SREBF2: variants seen among roughly 807,000 people sequenced by gnomAD.
SREBF2 encodes sterol regulatory element binding transcription factor 2, also known as sterol regulatory element-binding protein 2.
SREBF2 carries 55 observed loss-of-function variants against 113.1 expected under a neutral mutation model. That is an observed-to-expected ratio of 0.49 (90% CI 0.39 to 0.61). The LOEUF is 0.61. Among genes scored for constraint, SREBF2 ranks in the 20% least tolerant of loss-of-function variants. SREBF2 has a pLI of 0.00. For synonymous variants in SREBF2, 593 were observed against 605.7 expected (o/e 0.98, Z 0.31); for missense variants, 1,349 against 1,487.4 (o/e 0.91, Z 1.53).
rs535633520 is a variant in SREBF2, at chr22:41,873,962, C to T, written c.1032C>T (p.Ser344=). The T allele has an allele frequency of 6.2e-7, 1 of 1,614,134 alleles. No individual in the cohort carries two copies. Among genetic ancestry groups the T allele is most frequent in the South Asian group, 1.1e-5 (1 of 91,078 alleles). ...ATATCATTGAGAAACGATATCGCTC[C>T]TCCATCAATGACAAAATCATCGAAT... is the stretch of plus-strand genomic sequence containing the variant. ...THNIIEKRYR[S]SINDKIIELK... Residue 344 remains serine, a synonymous_variant, in exon 5 of 19, where the codon TCC becomes TCT. Coordinates refer to ENST00000361204, the MANE Select transcript of SREBF2 (RefSeq NM_004599.4).
Position 41,867,116 on chromosome 22 carries a change from C to G in SREBF2, c.374C>G (p.Pro125Arg). ...KVSPTSVPTT[P>R]RATPILQPRP... ...TCTCCCACCTCAGTTCCCACCACAC[C>G]CAGGGCAACTCCTATTCTTCAGCCC... is the stretch of plus-strand genomic sequence containing the variant. The change falls in exon 2 of 19, where the codon CCC becomes CGC. Residue 125 changes from proline (P) to arginine (R), a missense_variant. Coordinates refer to ENST00000361204, the MANE Select transcript of SREBF2 (RefSeq NM_004599.4). The G allele has an allele frequency of 6.2e-7, 1 of 1,614,202 alleles. No individual in the cohort carries two copies. The highest frequency in any genetic ancestry group is 8.5e-7 in the Non-Finnish European group (1 of 1,180,046).
chr22:41,837,026 C>T (rs1352997712), intron 1 of SREBF2, among the ~76,000 whole-genome samples: 4 of 152,060 alleles, frequency 2.6e-5, no homozygotes, highest in Non-Finnish European at 4.4e-5. Context: ...AACTTGAGCG[C>T]GACAGATCAT....
At position 41,866,811 on chromosome 22, in the gene SREBF2, T is replaced by A; in HGVS notation, c.89-20T>A. ...ACTTTTTGGATAGCAATAAAATTAC[T>A]CCTTTTCTTTTGTTCACAGAGATGC... On this transcript the variant is annotated intron_variant, in intron 1 of 18. Transcript: ENST00000361204. 1 of 1,613,832 alleles carries A rather than the reference T, an allele frequency of 6.2e-7. No homozygotes were observed. The highest frequency in any genetic ancestry group is 8.5e-7 in the Non-Finnish European group (1 of 1,179,672).
intron 16 of SREBF2, among the ~76,000 whole-genome samples, 182 bp from the exon 17 acceptor site, chr22:41,902,788 G>A (rs1046640821): frequency 6.6e-6 from 1 of 152,210 alleles, no homozygotes; most frequent in Non-Finnish European, 1.5e-5. Flanking sequence ...GGCCATGGAA[G>A]GAACTGGTTC....
At position 41,882,320 on chromosome 22, in the gene SREBF2, G is replaced by A. The variant is rs548270113; in HGVS notation, c.2038+1328G>A. ...CCAACAAAGGTAAAGAAAATAGAAG[G>A]AAGAGCAACTTTCCAGGAAAAGGGT... On this transcript the variant is annotated intron_variant, in intron 10 of 18. Coordinates refer to ENST00000361204, the MANE Select transcript of SREBF2 (RefSeq NM_004599.4). Among the ~76,000 whole-genome samples, 32 of 152,304 alleles carry A rather than the reference G, an allele frequency of 2.1e-4. No individual in the cohort carries two copies. The South Asian group carries it at 2.7e-3, about 13-fold the overall frequency.
chr22:41,897,064 T>G lies in SREBF2; in HGVS notation c.2508T>G (p.Ser836Arg). The G allele has an allele frequency of 6.2e-7, 1 of 1,611,608 alleles. No homozygotes were observed. Among genetic ancestry groups the G allele is most frequent in the Non-Finnish European group, 8.5e-7 (1 of 1,178,318 alleles). ...CTTTTCTTCCTAGTGAATTCTCCAG[T>G]GCTCTGGAGTACTTGAAATTACTTC... The part of the protein sequence containing the change: ...DQEEESCEFS[S>R]ALEYLKLLHS... Residue 836 changes from serine (S) to arginine (R), a missense_variant, in exon 14 of 19, where the codon AGT becomes AGG. Ser to Arg is a moderately radical substitution (Grantham distance 110, BLOSUM62 -1). This residue lies in a region of SREBF2 where 650 missense variants were observed against 644.1 expected (regional missense o/e 1.01). Transcript: ENST00000361204.
At chr22:41,867,630 C>T (rs2077096523) in intron 2 of SREBF2, among the ~76,000 whole-genome samples, 2 of 152,100 alleles carry the variant, frequency 1.3e-5, no homozygotes, top group African/African-American at 2.4e-5. Flanking sequence ...CTCAGTGAAA[C>T]CCCATCTCTA....
At chr22:41,872,385 G>T (rs1321347677) in intron 4 of SREBF2, among the ~76,000 whole-genome samples, 2 of 151,960 alleles carry the variant, frequency 1.3e-5, no homozygotes, top group African/African-American at 2.4e-5. Flanking sequence ...GAGGGGAGGG[G>T]CATGCGGGGA....
At chr22:41,854,256 C>A (rs1375589476) in intron 1 of SREBF2, among the ~76,000 whole-genome samples, 1 of 151,426 alleles carries the variant, frequency 6.6e-6, no homozygotes, top group Admixed American at 6.6e-5. Context: ...CCCTGCCTCC[C>A]AGGTTCAAGT....
At chr22:41,896,314 G>A (rs2077416414) in intron 13 of SREBF2, among the ~76,000 whole-genome samples, 1 of 152,106 alleles carries the variant, frequency 6.6e-6, no homozygotes, top group Admixed American at 6.6e-5. Flanking sequence ...GACCTGAGAG[G>A]CAGATAGGTG....
intron 11 of SREBF2, 141 bp downstream of exon 11, chr22:41,885,152 C>G (rs1318850797): frequency 7.6e-6 from 8 of 1,052,016 alleles, no homozygotes; most frequent in Non-Finnish European, 1.1e-5. Context: ...CATTCAGTCG[C>G]TCATTTCACC....
intron 1 of SREBF2, among the ~76,000 whole-genome samples, chr22:41,843,603 C>T (rs2076848237): frequency 6.6e-6 from 1 of 152,186 alleles, no homozygotes; most frequent in Non-Finnish European, 1.5e-5. Context: ...ATGTATTTTT[C>T]CTCTGTCCCA....
chr22:41,905,377 G>T (rs1406079422), intron 18 of SREBF2, 63 bp from the exon 19 acceptor site: 2 of 1,473,260 alleles, frequency 1.4e-6, no homozygotes, highest in East Asian at 4.9e-5. Flanking sequence ...TCCAGGTAAC[G>T]CCAAGGAACT....
At chr22:41,876,323 A>G (rs1447388740) in intron 7 of SREBF2, among the ~76,000 whole-genome samples, 1 of 152,150 alleles carries the variant, frequency 6.6e-6, no homozygotes, top group South Asian at 2.1e-4. Flanking sequence ...TGAAAGCACA[A>G]AGTTCCCTCC....
chr22:41,875,795 A>C, intron 7 of SREBF2, 71 bp downstream of exon 7: 1 of 1,562,544 alleles, frequency 6.4e-7, no homozygotes, highest in Non-Finnish European at 8.8e-7. Context: ...CTGGGAGGTC[A>C]CAGTTATGAG....
intron 10 of SREBF2, among the ~76,000 whole-genome samples, chr22:41,883,849 C>T (rs933364099): frequency 1.3e-5 from 2 of 152,210 alleles, no homozygotes; most frequent in African/African-American, 4.8e-5. Context: ...GGCACTTCCT[C>T]CCCTGAGGCA....
At chr22:41,843,454 C>T (rs949109407) in intron 1 of SREBF2, among the ~76,000 whole-genome samples, 1 of 152,214 alleles carries the variant, frequency 6.6e-6, no homozygotes, top group Non-Finnish European at 1.5e-5. Context: ...AACCTACATT[C>T]GTCTCATAAT....
chr22:41,884,790 A>C lies in SREBF2; in HGVS notation c.2039-52A>C. 14 of 1,605,846 alleles carry C rather than the reference A, an allele frequency of 8.7e-6. No homozygotes were observed. The South Asian group carries it at 1.1e-4, about 13-fold the overall frequency. On this transcript the variant is annotated intron_variant, in intron 10 of 18. Transcript: ENST00000361204. The stretch of plus-strand genomic sequence containing the variant: ...GATCGTGCTGGAGAGAGCAGGAAAA[A>C]GTTTGGTTTTGGGGCTCCATCAACA...
At chr22:41,852,990 T>C (rs1409248892) in intron 1 of SREBF2, among the ~76,000 whole-genome samples, 2 of 152,132 alleles carry the variant, frequency 1.3e-5, no homozygotes, top group Non-Finnish European at 2.9e-5. Context: ...CCTCAAGTGA[T>C]CCACCCGCCT....
Sources: gnomAD v4.1 joint callset for allele counts (sites outside exome capture counted in the v4.1 genomes callset) on GRCh38, gnomAD v4.1.1 for gene constraint, gnomAD v4.1.1 regional missense constraint, MANE v1.5 for transcripts, NCBI Gene and HGNC (gene_info 2026-07-23, HGNC 2026-07-21) for gene names.